Variants in TPRG1 observed in about 807,000 individuals in gnomAD.
The protein encoded by TPRG1 is tumor protein p63 regulated 1.
Under a neutral mutation model 29.3 loss-of-function variants are expected in TPRG1, and 29 were observed. That is an observed-to-expected ratio of 0.99 (90% CI 0.74 to 1.35). The LOEUF (loss-of-function observed/expected upper bound fraction) is 1.35, where lower values mean the gene tolerates loss of function less well. Ranked by LOEUF, TPRG1 falls within the 40% of genes most tolerant of loss-of-function variation. TPRG1 has a pLI of 0.00. For missense variants in TPRG1, 327 were observed against 335.0 expected, an observed-to-expected ratio of 0.98 and a Z score of 0.19; for synonymous variants, 130 against 116.8, an observed-to-expected ratio of 1.11 and a Z score of -0.73.
At chr3:189,047,650 A>C (rs780341104) in intron 4 of TPRG1, among the ~76,000 whole-genome samples, 23 of 152,338 alleles carry the variant, frequency 1.5e-4, no homozygotes, top group Non-Finnish European at 2.5e-4. Flanking sequence ...AATTGGAGTC[A>C]ATTATTTGAA....
At chr3:189,317,130 A>C (rs1403907056) in intron 5 of TPRG1, among the ~76,000 whole-genome samples, 7 of 152,204 alleles carry the variant, frequency 4.6e-5, no homozygotes, top group Non-Finnish European at 1.0e-4. Context: ...AAAGAAGTTT[A>C]TGATGAAGCC....
intron 4 of TPRG1, among the ~76,000 whole-genome samples, chr3:189,304,181 A>G (rs1435790027): frequency 6.0e-5 from 9 of 150,360 alleles, no homozygotes; most frequent in African/African-American, 2.0e-4. Flanking sequence ...ATAGATCTTA[A>G]TTTATTGGGG....
chr3:189,073,685 G>T (rs934926622), intron 4 of TPRG1, among the ~76,000 whole-genome samples: 1 of 152,152 alleles, frequency 6.6e-6, no homozygotes, highest in African/African-American at 2.4e-5. Flanking sequence ...TCAGAAAAGT[G>T]TCACATTCTC....
chr3:189,236,808 C>A (rs1271775745), intron 3 of TPRG1, among the ~76,000 whole-genome samples: 1 of 151,968 alleles, frequency 6.6e-6, no homozygotes, highest in Non-Finnish European at 1.5e-5. Context: ...CTTTTTCTGT[C>A]CTTTGTATCT....
chr3:189,296,603 T>A (rs550307599), intron 4 of TPRG1, among the ~76,000 whole-genome samples: 1 of 152,314 alleles, frequency 6.6e-6, no homozygotes, highest in African/African-American at 2.4e-5. Flanking sequence ...CCACATACTT[T>A]AATAAGGACA....
chr3:189,158,627 AT>A (rs1175318994), intron 5 of TPRG1, among the ~76,000 whole-genome samples: 1 of 152,026 alleles, frequency 6.6e-6, no homozygotes, highest in East Asian at 1.9e-4. Context: ...AAAAAAAATA[AT>A]AAGTAAATAA....
At chr3:189,220,628 C>T (rs920194124) in intron 3 of TPRG1, among the ~76,000 whole-genome samples, 1 of 152,082 alleles carries the variant, frequency 6.6e-6, no homozygotes, top group African/African-American at 2.4e-5. Context: ...TGTTGTTCCC[C>T]TCTATGTGTC....
intron 3 of TPRG1, among the ~76,000 whole-genome samples, chr3:189,147,181 C>T (rs1384010696): frequency 6.6e-6 from 1 of 152,186 alleles, no homozygotes; most frequent in African/African-American, 2.4e-5. Flanking sequence ...AAGAGTTATC[C>T]AGTGATCCCA....
chr3:189,164,171 C>CT lies in TPRG1; in HGVS notation c.-10+13308dup, dbSNP rs563141254. Among the ~76,000 whole-genome samples the CT allele has an allele frequency of 9.8e-4, 147 of 150,536 alleles. 1 individual carries two copies. The highest frequency in any genetic ancestry group is 1.3e-3 in the Non-Finnish European group (86 of 67,486). On this transcript the variant is annotated intron_variant, in intron 5 of 6. Transcript: ENST00000412373. ...TCTGAGTTTTACTCTTTTTCTTTTT[C>CT]TTTTTTTTTGAGACAGAGTCTCACT...
intron 3 of TPRG1, among the ~76,000 whole-genome samples, chr3:189,224,937 T>C (rs1162809745): frequency 2.0e-5 from 3 of 149,106 alleles, no homozygotes; most frequent in Non-Finnish European, 3.0e-5. Context: ...TTTTCTTTTT[T>C]TTTTTTTTTT....
At chr3:189,123,755 C>T (rs985056304) in intron 1 of TPRG1, 3 of 152,136 alleles carry the variant, frequency 2.0e-5, no homozygotes, top group South Asian at 2.1e-4. Context: ...TTGGCCTAAG[C>T]GAGTAGAGAA....
intron 3 of TPRG1, among the ~76,000 whole-genome samples, chr3:189,015,154 T>C (rs1245350819): frequency 6.6e-6 from 1 of 152,140 alleles, no homozygotes; most frequent in Non-Finnish European, 1.5e-5. Context: ...TATTGGGAAC[T>C]GGAGTAAATG....
intron 1 of TPRG1, among the ~76,000 whole-genome samples, chr3:189,188,840 C>A (rs904509085): frequency 2.6e-5 from 4 of 152,156 alleles, no homozygotes; most frequent in Non-Finnish European, 5.9e-5. Context: ...CTTTGCATAT[C>A]AGTGGGCAGA....
intron 4 of TPRG1, among the ~76,000 whole-genome samples, chr3:189,044,823 A>G (rs1714868888): frequency 6.6e-6 from 1 of 152,232 alleles, no homozygotes; most frequent in Non-Finnish European, 1.5e-5. Flanking sequence ...TGAATGTTTT[A>G]GAGAAAGGGA....
At chr3:188,999,367 T>C (rs141971413) in intron 1 of TPRG1, among the ~76,000 whole-genome samples, 41 of 152,272 alleles carry the variant, frequency 2.7e-4, no homozygotes, top group African/African-American at 8.7e-4. Context: ...ACAGCACTCA[T>C]GGCATGCCTA....
intron 4 of TPRG1, among the ~76,000 whole-genome samples, chr3:189,056,075 TC>T (rs1715668998): frequency 7.5e-6 from 1 of 132,896 alleles, no homozygotes; most frequent in African/African-American, 2.8e-5. Context: ...CTTCCTTCCT[TC>T]CTTCCTTCCT....
At chr3:189,306,377 T>C (rs1391108070) in intron 4 of TPRG1, among the ~76,000 whole-genome samples, 4 of 152,156 alleles carry the variant, frequency 2.6e-5, no homozygotes, top group East Asian at 1.9e-4. Flanking sequence ...TATGAAAACA[T>C]TGATGGAAAG....
chr3:189,295,084 T>C (rs1311035698), intron 4 of TPRG1, among the ~76,000 whole-genome samples: 3 of 152,242 alleles, frequency 2.0e-5, no homozygotes, highest in African/African-American at 7.2e-5. Context: ...GAATAATCTT[T>C]CTCCAATCTT....
At chr3:189,316,245 T>C (rs920804643) in intron 5 of TPRG1, among the ~76,000 whole-genome samples, 2 of 152,216 alleles carry the variant, frequency 1.3e-5, no homozygotes, top group Admixed American at 6.5e-5. Flanking sequence ...TTTGTCTCTA[T>C]GCACTTGAAT....
Sources: gnomAD v4.1 joint callset for allele counts (sites outside exome capture counted in the v4.1 genomes callset) on GRCh38, gnomAD v4.1.1 for gene constraint, MANE v1.5 for transcripts, NCBI Gene and HGNC (gene_info 2026-07-23, HGNC 2026-07-21) for gene names.